Variants in PXYLP1 observed in about 807,000 individuals in gnomAD.
The protein encoded by PXYLP1 is 2-phosphoxylose phosphatase 1.
PXYLP1 carries 17 observed loss-of-function variants against 37.9 expected under a neutral mutation model. The observed-to-expected ratio is 0.45, with a 90% CI of 0.31 to 0.67. The LOEUF (loss-of-function observed/expected upper bound fraction) is 0.67, where lower values mean the gene tolerates loss of function less well. Ranked by LOEUF, PXYLP1 falls within the 30% of genes least tolerant of loss-of-function variation. The pLI, the probability that PXYLP1 is intolerant of heterozygous loss-of-function variation, is 0.07. For synonymous variants in PXYLP1, 221 were observed against 232.2 expected, an observed-to-expected ratio of 0.95 and a Z score of 0.44; for missense variants, 511 against 612.0, an observed-to-expected ratio of 0.84 and a Z score of 1.74.
chr3:141,280,952 T>C (rs1015604702), intron 4 of PXYLP1, among the ~76,000 whole-genome samples: 2 of 152,186 alleles, frequency 1.3e-5, no homozygotes, highest in African/African-American at 4.8e-5. Flanking sequence ...CTCAAAGCCT[T>C]TGTAGTAGAA....
intron 2 of PXYLP1, among the ~76,000 whole-genome samples, chr3:141,265,829 G>T (rs904622403): frequency 6.6e-6 from 1 of 152,198 alleles, no homozygotes; most frequent in Non-Finnish European, 1.5e-5. Context: ...ACCATGCAGG[G>T]CTGGTGGCTC....
Position 141,292,674 on chromosome 3 carries a change from C to T in PXYLP1, c.912C>T (p.His304=), listed in dbSNP as rs1462237848. The change falls in exon 6 of 6, where the codon CAC becomes CAT. Residue 304 remains histidine, a synonymous_variant. Coordinates refer to ENST00000286353, the MANE Select transcript of PXYLP1 (RefSeq NM_001037172.3). This position sits in a 1 kb window ranked among gnomAD's most constrained non-coding sequence, Gnocchi z 4.3. ...PIDSMLCHFC[H]NVSFPCTRNG... ...ACTCCATGCTCTGCCACTTCTGCCA[C>T]AATGTCAGCTTTCCCTGTACCAGAA... 2 of 1,613,556 alleles carry T rather than the reference C, an allele frequency of 1.2e-6. No individual in the cohort carries two copies. Among genetic ancestry groups the T allele is most frequent in the South Asian group, 1.1e-5 (1 of 91,000 alleles).
intron 5 of PXYLP1, among the ~76,000 whole-genome samples, chr3:141,291,232 G>A (rs887064398): frequency 6.6e-6 from 1 of 152,052 alleles, no homozygotes; most frequent in African/African-American, 2.4e-5. Flanking sequence ...TGGTCACAGG[G>A]CCTGTGTGTA....
intron 1 of PXYLP1, among the ~76,000 whole-genome samples, chr3:141,253,215 G>A (rs1179900406): frequency 3.3e-5 from 5 of 152,220 alleles, no homozygotes; most frequent in African/African-American, 9.7e-5. Context: ...AGGACACCTT[G>A]AGGTCAGTGG....
chr3:141,241,369 T>C (rs897923460), intron 1 of PXYLP1, among the ~76,000 whole-genome samples: 4 of 146,424 alleles, frequency 2.7e-5, no homozygotes, highest in Non-Finnish European at 6.0e-5. Flanking sequence ...TGCTCTGCTG[T>C]CTCTCCACCC....
At chr3:141,278,652 TCTC>T (rs2148814285) in intron 3 of PXYLP1, 152 bp downstream of exon 3, 6 of 1,001,942 alleles carry the variant, frequency 6.0e-6, no homozygotes, top group East Asian at 5.0e-5. Context: ...GTCCTTGCAT[TCTC>T]CTCTATAAAA....
At chr3:141,232,165 C>T (rs965568715) in intron 1 of PXYLP1, among the ~76,000 whole-genome samples, 3 of 152,128 alleles carry the variant, frequency 2.0e-5, no homozygotes, top group Admixed American at 2.0e-4. Context: ...CCACTCCCCC[C>T]GTGCGCCCGG....
rs565971902 is a variant in PXYLP1 at position 141,293,106 on chromosome 3, G to T, written c.1344G>T (p.Pro448=). ...AGCGTTCTCCCAAGCCCATGTGCCC[G>T]CTTGAAAACTTGGTCCGCTTTGTGA... is the stretch of plus-strand genomic sequence containing the variant. ...HHKRSPKPMC[P]LENLVRFVKR... is the part of the protein sequence containing the mutation. The change falls in exon 6 of 6, where the codon CCG becomes CCT. Residue 448 remains proline (P), a synonymous_variant. Transcript: ENST00000286353. 4.3e-6 allele frequency: 7 copies of T among 1,614,168 alleles called. No individual in the cohort carries two copies. Among genetic ancestry groups the T allele is most frequent in the Non-Finnish European group, 5.9e-6 (7 of 1,180,028 alleles).
intron 2 of PXYLP1, among the ~76,000 whole-genome samples, chr3:141,274,862 G>A (rs1439335060): frequency 6.6e-6 from 1 of 152,208 alleles, no homozygotes; most frequent in Non-Finnish European, 1.5e-5. Flanking sequence ...ATCAGTTACA[G>A]TGTTGGTCAG....
In PXYLP1 at chr3:141,278,319, C is replaced by T. The variant is rs1269630308; in HGVS notation, c.80-23C>T. The T allele has an allele frequency of 9.3e-6, 15 of 1,613,642 alleles. No individual in the cohort carries two copies. The African/African-American group carries it at 1.6e-4, about 17-fold the overall frequency. ...CTGGCGCCCCAGGAACTGTGCGTCA[C>T]AACCTGCCTTACTTCGTTTCAGTCC... On this transcript the variant is annotated intron_variant, in intron 2 of 5. Coordinates refer to ENST00000286353, the MANE Select transcript of PXYLP1 (RefSeq NM_001037172.3).
At chr3:141,253,859 C>A (rs1052509878) in intron 1 of PXYLP1, among the ~76,000 whole-genome samples, 5 of 76,844 alleles carry the variant, frequency 6.5e-5, no homozygotes, top group African/African-American at 1.3e-4. Flanking sequence ...ATATATATAT[C>A]TAATATATAT....
intron 2 of PXYLP1, among the ~76,000 whole-genome samples, chr3:141,271,917 G>A (rs1257543360): frequency 6.6e-6 from 1 of 152,236 alleles, no homozygotes; most frequent in African/African-American, 2.4e-5. Flanking sequence ...TGCTCCCAAA[G>A]GAGGATGGGT....
At chr3:141,260,035 T>G in intron 1 of PXYLP1, 88 bp from the exon 2 acceptor site, 1 of 891,526 alleles carries the variant, frequency 1.1e-6, no homozygotes. Flanking sequence ...ATCAGATTAT[T>G]ATCAGTTGAC....
intron 2 of PXYLP1, among the ~76,000 whole-genome samples, chr3:141,271,970 G>A (rs1941673638): frequency 6.6e-6 from 1 of 152,192 alleles, no homozygotes; most frequent in South Asian, 2.1e-4. Flanking sequence ...GCTGACCCAG[G>A]GTTGGGGCCC....
rs562722344 is a variant in PXYLP1 at position 141,246,870 on chromosome 3, C to T, written c.-53-13253C>T. 1.2e-4 allele frequency among the ~76,000 whole-genome samples: 19 copies of T among 152,348 alleles called. No homozygotes were observed. In the South Asian group the frequency reaches 3.3e-3, roughly 27 times the overall value. On this transcript the variant is annotated intron_variant, in intron 1 of 5. Coordinates refer to ENST00000286353, the MANE Select transcript of PXYLP1 (RefSeq NM_001037172.3). ...AGCTGGCTGTTTCTCATACATGTGT[C>T]TCACACAGTTATTCAGGCAATAACT...
Position 141,293,251 on chromosome 3 carries a change from T to G in PXYLP1, c.*46T>G, listed in dbSNP as rs750783197. On this transcript the variant is annotated 3_prime_UTR_variant, in exon 6 of 6. Transcript: ENST00000286353. The stretch of plus-strand genomic sequence containing the variant: ...ATAGAATCCATGCCAATACAGAGCA[T>G]AGGGAAAGGTCCACTTCTAGTTTTG... 1.4e-5 allele frequency: 22 copies of G among 1,529,250 alleles called. No individual in the cohort carries two copies. In the South Asian group the frequency reaches 2.6e-4, roughly 18 times the overall value. 94.7% of individuals were successfully genotyped at this position (1,529,250 alleles called of 1,614,324 possible).
intron 1 of PXYLP1, among the ~76,000 whole-genome samples, chr3:141,257,926 AGAGAG>A (rs796397862): frequency 1.5e-5 from 2 of 134,068 alleles, no homozygotes; most frequent in African/African-American, 3.5e-5. Context: ...AAAAAAAAAA[AGAGAG>A]AGAGAGAGAA....
chr3:141,233,256 T>A (rs1319687426), intron 1 of PXYLP1, among the ~76,000 whole-genome samples: 1 of 151,824 alleles, frequency 6.6e-6, no homozygotes, highest in African/African-American at 2.4e-5. Flanking sequence ...TCACCAGAGG[T>A]CGGGAGTTCG....
chr3:141,239,685 T>C (rs924063453), intron 1 of PXYLP1, among the ~76,000 whole-genome samples: 2 of 152,156 alleles, frequency 1.3e-5, no homozygotes, highest in Admixed American at 6.5e-5. Context: ...AGTGTTTATT[T>C]ACTCTGTGTG....
Sources: allele counts gnomAD v4.1 joint callset (sites outside exome capture counted in the v4.1 genomes callset), GRCh38; gene constraint gnomAD v4.1.1; non-coding constraint Gnocchi (gnomAD v3.1); transcripts MANE v1.5; gene names NCBI Gene and HGNC (gene_info 2026-07-23, HGNC 2026-07-21).